The following TAS2R1 variants were observed in gnomAD, a reference collection of about 807,000 sequenced individuals.
The protein encoded by TAS2R1 is taste receptor type 2 member 1.
For missense variants in TAS2R1, 370 were observed against 353.4 expected (o/e 1.05, Z -0.38); for synonymous variants, 141 against 134.2 (o/e 1.05, Z -0.35).
the TAS2R1 span, among the ~76,000 whole-genome samples, chr5:9,879,409 G>A: frequency 1.3e-5 from 2 of 152,220 alleles, no homozygotes; most frequent in Non-Finnish European, 2.9e-5. Flanking sequence ...TGCCCACATG[G>A]AGGTGGTGAG....
the TAS2R1 span, among the ~76,000 whole-genome samples, chr5:9,900,769 T>C: frequency 1.2e-4 from 19 of 152,214 alleles, no homozygotes; most frequent in Non-Finnish European, 2.5e-4. Flanking sequence ...TACAGGCACC[T>C]GCCACCATGC....
At chr5:9,829,115 T>C in the TAS2R1 span, among the ~76,000 whole-genome samples, 2 of 152,152 alleles carry the variant, frequency 1.3e-5, no homozygotes, top group Non-Finnish European at 2.9e-5. Context: ...AACTGACTTG[T>C]GTTGGAAGGG....
intron 1 of TAS2R1, among the ~76,000 whole-genome samples, chr5:9,680,901 A>T (rs1740981494): frequency 6.6e-6 from 1 of 152,082 alleles, no homozygotes; most frequent in South Asian, 2.1e-4. Context: ...AAAAATAAAA[A>T]AAAATAAAAA....
the TAS2R1 span, among the ~76,000 whole-genome samples, chr5:9,804,258 A>G: frequency 1.3e-5 from 2 of 152,146 alleles, no homozygotes; most frequent in Admixed American, 1.3e-4. Context: ...ACCCTGCTAG[A>G]CCTAAGAAAT....
chr5:9,851,893 T>C, the TAS2R1 span, among the ~76,000 whole-genome samples: 1 of 152,242 alleles, frequency 6.6e-6, no homozygotes, highest in Non-Finnish European at 1.5e-5. Context: ...GTCTGTTTAT[T>C]GTCTGCCTTT....
chr5:9,898,860 C>A, the TAS2R1 span, among the ~76,000 whole-genome samples: 1 of 152,218 alleles, frequency 6.6e-6, no homozygotes, highest in Non-Finnish European at 1.5e-5. Context: ...CGATCATGCG[C>A]ACCACCCATT....
chr5:9,800,344 T>A, the TAS2R1 span, among the ~76,000 whole-genome samples: 4 of 152,240 alleles, frequency 2.6e-5, no homozygotes, highest in Non-Finnish European at 5.9e-5. Flanking sequence ...CTACCTGTGT[T>A]TAGCTTAGTC....
the TAS2R1 span, among the ~76,000 whole-genome samples, chr5:9,808,411 A>T: frequency 6.6e-6 from 1 of 151,894 alleles, no homozygotes; most frequent in African/African-American, 2.4e-5. Context: ...CTGCCTATAG[A>T]AAAATGTAAG....
At position 9,629,115 on chromosome 5, in the gene TAS2R1, A is replaced by C; in HGVS notation, c.*18T>G. On this transcript the variant is annotated 3_prime_UTR_variant, in exon 1 of 1. Coordinates refer to ENST00000382492, the MANE Select transcript of TAS2R1 (RefSeq NM_019599.3). ...AATCATTGAATCATGGGTTCTTTGAACTGATCCAACTTCTCTCTCACTGAC... is the reference window on the plus strand; with the variant it reads ...AATCATTGAATCATGGGTTCTTTGACCTGATCCAACTTCTCTCTCACTGAC... 6.5e-7 allele frequency: 1 copy of C among 1,528,350 alleles called. No individual in the cohort carries two copies. Among genetic ancestry groups the C allele is most frequent in the Non-Finnish European group, 8.8e-7 (1 of 1,141,502 alleles). 94.7% of individuals were successfully genotyped at this position (1,528,350 alleles called of 1,614,324 possible).
the TAS2R1 span, among the ~76,000 whole-genome samples, chr5:9,802,045 C>T: frequency 6.6e-6 from 1 of 152,212 alleles, no homozygotes; most frequent in Non-Finnish European, 1.5e-5. Context: ...ATCCCTAGGG[C>T]AAGCTTGCAT....
the TAS2R1 span, among the ~76,000 whole-genome samples, chr5:9,768,649 T>C: frequency 6.6e-6 from 1 of 152,202 alleles, no homozygotes; most frequent in Non-Finnish European, 1.5e-5. Flanking sequence ...CTTTGGCCAG[T>C]GCCCTCAAAA....
chr5:9,812,359 G>A, the TAS2R1 span, among the ~76,000 whole-genome samples: 1 of 150,638 alleles, frequency 6.6e-6, no homozygotes, highest in Non-Finnish European at 1.5e-5. Flanking sequence ...GGTGTAGAGA[G>A]GTGGGTAAGA....
chr5:9,652,523 CG>C (rs1740328099), intron 2 of TAS2R1, among the ~76,000 whole-genome samples: 1 of 152,158 alleles, frequency 6.6e-6, no homozygotes, highest in Non-Finnish European at 1.5e-5. Flanking sequence ...AGCCACAAGA[CG>C]GAAGGATGTG....
intron 1 of TAS2R1, among the ~76,000 whole-genome samples, chr5:9,699,421 T>C (rs1741432044): frequency 6.6e-6 from 1 of 152,192 alleles, no homozygotes; most frequent in Non-Finnish European, 1.5e-5. Context: ...GAGGATGATT[T>C]ATATGAGTTG....
chr5:9,680,661 G>A (rs1370582401), intron 1 of TAS2R1, among the ~76,000 whole-genome samples: 3 of 152,092 alleles, frequency 2.0e-5, no homozygotes, highest in East Asian at 1.9e-4. Context: ...AAAAACACCT[G>A]ACCAGTATTC....
chr5:9,659,380 G>C (rs1441830588), intron 2 of TAS2R1: 1 of 152,144 alleles, frequency 6.6e-6, no homozygotes, highest in East Asian at 1.9e-4. Flanking sequence ...CTAGGGAGAA[G>C]AATGACAGCC....
the TAS2R1 span, among the ~76,000 whole-genome samples, chr5:9,843,598 T>G: frequency 6.6e-6 from 1 of 152,350 alleles, no homozygotes; most frequent in South Asian, 2.1e-4. Flanking sequence ...AGTTTACTAT[T>G]TCACAGTTTC....
intron 1 of TAS2R1, among the ~76,000 whole-genome samples, chr5:9,661,055 G>A (rs1740523337): frequency 6.6e-6 from 1 of 152,162 alleles, no homozygotes. Context: ...TCAGGTTAGG[G>A]AAATCTGTAC....
the TAS2R1 span, among the ~76,000 whole-genome samples, chr5:9,758,567 T>C: frequency 6.6e-6 from 1 of 152,140 alleles, no homozygotes; most frequent in African/African-American, 2.4e-5. Flanking sequence ...TGTCCACCTA[T>C]AGAGATCAAC....
Sources: allele counts gnomAD v4.1 joint callset (sites outside exome capture counted in the v4.1 genomes callset), GRCh38; gene constraint gnomAD v4.1.1; transcripts MANE v1.5; gene names NCBI Gene and HGNC (gene_info 2026-07-23, HGNC 2026-07-21).